Variants in LRRC4B observed in about 807,000 individuals in gnomAD.
LRRC4B encodes leucine rich repeat containing 4B.
In LRRC4B, 1 loss-of-function variant was observed where a neutral mutation model predicts 7.3. The observed-to-expected ratio is 0.14, with a 90% CI of 0.05 to 0.65. The LOEUF (loss-of-function observed/expected upper bound fraction) is 0.65. Ranked by LOEUF, LRRC4B falls within the 30% of genes least tolerant of loss-of-function variation. The probability of loss-of-function intolerance (pLI) is 0.84; values close to 1 mark genes in which losing one functional copy is unlikely to be tolerated. For missense variants in LRRC4B, 730 were observed against 1,041.6 expected (o/e 0.70, Z 4.12); for synonymous variants, 500 against 499.2 (o/e 1.00, Z -0.02).
intron 1 of LRRC4B, among the ~76,000 whole-genome samples, chr19:50,559,855 C>T (rs946679356): frequency 5.3e-5 from 8 of 152,350 alleles, no homozygotes; most frequent in Admixed American, 2.0e-4. Context: ...AGATTCTGGC[C>T]GGGCGCAGTG....
At chr19:50,560,022 C>A (rs1455868374) in intron 1 of LRRC4B, among the ~76,000 whole-genome samples, 1 of 152,200 alleles carries the variant, frequency 6.6e-6, no homozygotes, top group East Asian at 1.9e-4. Flanking sequence ...GTAGTTCCAG[C>A]TACTCGGGAG....
intron 1 of LRRC4B, among the ~76,000 whole-genome samples, chr19:50,551,344 G>A (rs922447255): frequency 5.4e-5 from 8 of 147,976 alleles, no homozygotes; most frequent in African/African-American, 7.5e-5. Flanking sequence ...GTCTCCCCGC[G>A]CCCCCCCCAC....
chr19:50,536,971 G>A (rs1394473086), intron 2 of LRRC4B, among the ~76,000 whole-genome samples: 1 of 152,122 alleles, frequency 6.6e-6, no homozygotes, highest in East Asian at 1.9e-4. Flanking sequence ...GACTCCAGCT[G>A]GGTGTGGTGG....
Position 50,548,520 on chromosome 19 carries a change from T to G in LRRC4B, c.297+22A>C, listed in dbSNP as rs376396160. 14 of 1,576,292 alleles carry G rather than the reference T, an allele frequency of 8.9e-6. No homozygotes were observed. Among genetic ancestry groups the G allele is most frequent in the Non-Finnish European group, 1.2e-5 (14 of 1,168,588 alleles). On this transcript the variant is annotated intron_variant, in intron 2 of 2. Transcript: ENST00000652263. This position sits in a 1 kb window ranked among gnomAD's most constrained non-coding sequence, Gnocchi z 6.8. ...CCCAGTGTCCCCTCCAAGGTCCCCC[T>G]CTGCCCGCTGGCCCCGCATACCTGG...
At chr19:50,540,677 C>T (rs1210620730) in intron 2 of LRRC4B, among the ~76,000 whole-genome samples, 3 of 151,578 alleles carry the variant, frequency 2.0e-5, no homozygotes, top group Admixed American at 2.0e-4. Flanking sequence ...CTCATAGGAA[C>T]GTGAACCCTA....
rs1034384900 is a variant in LRRC4B at position 50,556,165 on chromosome 19, G to A, written c.-35-7292C>T. 6.6e-6 allele frequency among the ~76,000 whole-genome samples: 1 copy of A among 152,150 alleles called. No homozygotes were observed. Among genetic ancestry groups the A allele is most frequent in the Non-Finnish European group, 1.5e-5 (1 of 68,010 alleles). ...CCCCCTAGGAGCTGCTGATGAGGAAGCAGGACTAGGGGCTTGGCTCAGCTC... is the reference window on the plus strand; with the variant it reads ...CCCCCTAGGAGCTGCTGATGAGGAAACAGGACTAGGGGCTTGGCTCAGCTC... On this transcript the variant is annotated intron_variant, in intron 1 of 2. Transcript: ENST00000652263. This position sits in a 1 kb window ranked among gnomAD's most constrained non-coding sequence, Gnocchi z 4.2.
chr19:50,541,458 T>C (rs980423372), intron 2 of LRRC4B, among the ~76,000 whole-genome samples: 1 of 151,780 alleles, frequency 6.6e-6, no homozygotes, highest in African/African-American at 2.4e-5. Context: ...ATGGAAAAAT[T>C]ATCTTCCATG....
chr19:50,539,302 A>G (rs530142276), intron 2 of LRRC4B, among the ~76,000 whole-genome samples: 2 of 152,322 alleles, frequency 1.3e-5, no homozygotes, highest in South Asian at 4.1e-4. Flanking sequence ...TCTGAGGCAC[A>G]TGGCAAGCCC....
chr19:50,524,600 T>C (rs1980720171), intron 2 of LRRC4B, among the ~76,000 whole-genome samples: 1 of 152,102 alleles, frequency 6.6e-6, no homozygotes, highest in South Asian at 2.1e-4. Context: ...GAAATAATAA[T>C]AAAGAAAAAA....
chr19:50,533,985 G>A (rs1269271519), intron 2 of LRRC4B, among the ~76,000 whole-genome samples: 1 of 152,172 alleles, frequency 6.6e-6, no homozygotes, highest in African/African-American at 2.4e-5. Flanking sequence ...GGCTGTCTGT[G>A]GGCTTCACAA....
chr19:50,554,720 C>T (rs934514256), intron 1 of LRRC4B, among the ~76,000 whole-genome samples: 2 of 152,236 alleles, frequency 1.3e-5, no homozygotes, highest in African/African-American at 4.8e-5. Context: ...GCTTTACTTG[C>T]ATTAGCCACC....
rs1452052425 is a variant in LRRC4B at position 50,537,457 on chromosome 19, C to G, written c.297+11085G>C. Among the ~76,000 whole-genome samples the G allele has an allele frequency of 6.6e-6, 1 of 152,214 alleles. No individual in the cohort carries two copies. The highest frequency in any genetic ancestry group is 1.5e-5 in the Non-Finnish European group (1 of 68,050). On this transcript the variant is annotated intron_variant, in intron 2 of 2. Coordinates refer to ENST00000652263, the MANE Select transcript of LRRC4B (RefSeq NM_001080457.2). The surrounding 1 kb of genome is among the most constrained non-coding windows in gnomAD (Gnocchi z 5.5). The stretch of plus-strand genomic sequence containing the variant: ...TATTTTCTAGACGAGAAGGCAGGCT[C>G]AGAGAGGTGACTCAACGCCTTAGCG...
In LRRC4B at chr19:50,549,926, C is replaced by T. The variant is rs1273406504; in HGVS notation, c.-35-1053G>A. ...TGGGTTCTGGGAGGAAAGCAGACAG[C>T]GGGGACTCGGGCCCTCTGAGAAGTC... On this transcript the variant is annotated intron_variant, in intron 1 of 2. Coordinates refer to ENST00000652263, the MANE Select transcript of LRRC4B (RefSeq NM_001080457.2). 2.0e-5 allele frequency among the ~76,000 whole-genome samples: 3 copies of T among 152,190 alleles called. No individual in the cohort carries two copies. In the East Asian group the frequency reaches 5.8e-4, roughly 29 times the overall value.
In LRRC4B at chr19:50,555,102, C is replaced by T. The variant is rs1002595008; in HGVS notation, c.-35-6229G>A. Among the ~76,000 whole-genome samples the T allele has an allele frequency of 6.6e-6, 1 of 152,224 alleles. No individual in the cohort carries two copies. The highest frequency in any genetic ancestry group is 2.4e-5 in the African/African-American group (1 of 41,458). ...GGCTCCATGGACTGCCCTCTGCCCC[C>T]ACGCACCCCTAGTAGTGATGGGAAA... On this transcript the variant is annotated intron_variant, in intron 1 of 2. Coordinates refer to ENST00000652263, the MANE Select transcript of LRRC4B (RefSeq NM_001080457.2). This position sits in a 1 kb window ranked among gnomAD's most constrained non-coding sequence, Gnocchi z 5.2.
intron 2 of LRRC4B, among the ~76,000 whole-genome samples, chr19:50,547,298 C>T (rs1258126147): frequency 6.6e-6 from 1 of 151,588 alleles, no homozygotes; most frequent in African/African-American, 2.4e-5. Flanking sequence ...TGGCCCTTGC[C>T]CCACAGCCAC....
At chr19:50,552,514 C>G (rs1028501859) in intron 1 of LRRC4B, among the ~76,000 whole-genome samples, 1 of 152,086 alleles carries the variant, frequency 6.6e-6, no homozygotes, top group Non-Finnish European at 1.5e-5. Context: ...ATCTGCAGGG[C>G]AGCCACGTTC....
intron 1 of LRRC4B, among the ~76,000 whole-genome samples, chr19:50,567,531 G>A (rs879347417): frequency 2.3e-3 from 349 of 150,918 alleles, no homozygotes; most frequent in Non-Finnish European, 3.8e-3. Context: ...AAGCAGCAGC[G>A]GTGTGGAGGG....
At chr19:50,549,604 G>GT (rs897996691) in intron 1 of LRRC4B, among the ~76,000 whole-genome samples, 1 of 152,266 alleles carries the variant, frequency 6.6e-6, no homozygotes, top group Non-Finnish European at 1.5e-5. Flanking sequence ...GGAGAGAGAG[G>GT]TAAGGTGGCA....
At chr19:50,551,315 G>T (rs1296094473) in intron 1 of LRRC4B, among the ~76,000 whole-genome samples, 1 of 151,004 alleles carries the variant, frequency 6.6e-6, no homozygotes, top group Non-Finnish European at 1.5e-5. Flanking sequence ...GTGCTGGGGG[G>T]GGCGCAGGGG....
Sources: gnomAD v4.1 joint callset for allele counts (sites outside exome capture counted in the v4.1 genomes callset) on GRCh38, gnomAD v4.1.1 for gene constraint, Gnocchi (gnomAD v3.1) non-coding constraint, MANE v1.5 for transcripts, NCBI Gene and HGNC (gene_info 2026-07-23, HGNC 2026-07-21) for gene names.